Variants in TTC3 observed in about 807,000 individuals in gnomAD.
TTC3 encodes tetratricopeptide repeat domain 3.
TTC3 carries 180 observed loss-of-function variants against 249.6 expected under a neutral mutation model. The ratio of observed to expected loss-of-function variants is 0.72; its 90% confidence interval spans 0.64 to 0.82. The LOEUF is 0.82. TTC3 is among the 40% of genes least tolerant of loss of function. The pLI is 0.00. For synonymous variants in TTC3, 717 were observed against 805.0 expected, an observed-to-expected ratio of 0.89 and a Z score of 1.85; for missense variants, 2,061 against 2,398.4, an observed-to-expected ratio of 0.86 and a Z score of 2.94.
At chr21:37,107,027 G>A (rs1056662778) in intron 10 of TTC3, among the ~76,000 whole-genome samples, 17 of 149,684 alleles carry the variant, frequency 1.1e-4, no homozygotes, top group African/African-American at 3.9e-4. Flanking sequence ...TCCATTTCTA[G>A]TTTCTCTGTT....
intron 2 of TTC3, 93 bp from the exon 3 acceptor site, chr21:37,087,740 A>C (rs1449232727): frequency 1.0e-6 from 1 of 998,808 alleles, no homozygotes; most frequent in East Asian, 2.5e-5. Flanking sequence ...ATAAATGCCC[A>C]CTGAAAGTTC....
chr21:37,115,824 G>C (rs1378957426), intron 11 of TTC3, among the ~76,000 whole-genome samples: 1 of 152,158 alleles, frequency 6.6e-6, no homozygotes, highest in Non-Finnish European at 1.5e-5. Flanking sequence ...TGCCTAGAAT[G>C]CTTTTCCCCA....
chr21:37,160,602 T>TA (rs5843798), intron 29 of TTC3, among the ~76,000 whole-genome samples, 200 bp from the exon 30 acceptor site: 152,363 of 152,364 alleles, frequency 1, 76,181 homozygotes, highest in Non-Finnish European at 1. Flanking sequence ...AATTTTAGTA[T>TA]ACATTAGTAT....
At chr21:37,182,288 G>T (rs898231848) in intron 35 of TTC3, among the ~76,000 whole-genome samples, 4 of 152,154 alleles carry the variant, frequency 2.6e-5, no homozygotes, top group African/African-American at 9.7e-5. Context: ...ACCCTCCAGG[G>T]GAACGGTAAC....
At position 37,140,570 on chromosome 21, in the gene TTC3, G is replaced by C. The variant is rs2078351200; in HGVS notation, c.1669G>C (p.Glu557Gln). The change falls in exon 20 of 46, where the codon GAA (glutamate) becomes CAA (glutamine). Residue 557 changes from glutamate to glutamine, a missense_variant. Coordinates refer to ENST00000355666, the Ensembl canonical transcript of TTC3. ...TTCACTGCTATTCAAGGAATTATCT[G>C]AAGCCGAAAACCAGTTTAAGAGGAT... 2.5e-6 allele frequency: 4 copies of C among 1,581,842 alleles called. No individual in the cohort carries two copies. The South Asian group carries it at 4.7e-5, about 19-fold the overall frequency.
At chr21:37,197,768 AG>A (rs1470211929) in intron 43 of TTC3, 72 bp downstream of exon 43, 9 of 1,532,414 alleles carry the variant, frequency 5.9e-6, no homozygotes, top group African/African-American at 1.4e-5. Context: ...AAAAAAAAAA[AG>A]CTTCAAACCA....
At chr21:37,104,547 G>A (rs981885762) in intron 10 of TTC3, among the ~76,000 whole-genome samples, 3 of 140,940 alleles carry the variant, frequency 2.1e-5, no homozygotes, top group Middle Eastern at 3.5e-3. Flanking sequence ...CCAAAGTAGC[G>A]CCATTGCGCT....
At chr21:37,158,684 C>T (rs2080361881) in intron 28 of TTC3, among the ~76,000 whole-genome samples, 1 of 152,150 alleles carries the variant, frequency 6.6e-6, no homozygotes. Flanking sequence ...ACCCACCTAT[C>T]ACATCTTCAG....
chr21:37,073,387 G>C (rs1001522120), intron 1 of TTC3: 1 of 986,084 alleles, frequency 1.0e-6, no homozygotes, highest in East Asian at 1.1e-4. Flanking sequence ...CCGGCGCGCT[G>C]CCGGGCTCCC....
intron 21 of TTC3, among the ~76,000 whole-genome samples, chr21:37,145,580 G>T (rs2078913480): frequency 6.6e-6 from 1 of 152,218 alleles, no homozygotes; most frequent in Admixed American, 6.5e-5. Context: ...TCCTCAAACA[G>T]TTAAACATAG....
At chr21:37,171,258 G>A (rs536199273) in intron 34 of TTC3, among the ~76,000 whole-genome samples, 1 of 152,296 alleles carries the variant, frequency 6.6e-6, no homozygotes, top group Non-Finnish European at 1.5e-5. Flanking sequence ...TTTTATCAGT[G>A]ATGGGAATGT....
At chr21:37,076,505 C>G (rs578122134) in intron 1 of TTC3, among the ~76,000 whole-genome samples, 1 of 152,222 alleles carries the variant, frequency 6.6e-6, no homozygotes, top group Admixed American at 6.5e-5. Flanking sequence ...GAATCAGTTT[C>G]TAGATCATTA....
rs543609725 is a variant in TTC3, at chr21:37,168,024, C to G, written c.4467+404C>G. Reference sequence around the variant, plus strand: ...AATAATACAGAAAGATAAAGACCTTCTCTACTATAATAATGATTCAATTAG... The same window carrying G: ...AATAATACAGAAAGATAAAGACCTTGTCTACTATAATAATGATTCAATTAG... On this transcript the variant is annotated intron_variant, in intron 34 of 45. Coordinates refer to ENST00000355666, the Ensembl canonical transcript of TTC3. 2.0e-5 allele frequency among the ~76,000 whole-genome samples: 3 copies of G among 152,126 alleles called. No individual in the cohort carries two copies. In the South Asian group the frequency reaches 6.2e-4, roughly 32 times the overall value.
At chr21:37,101,795 T>G (rs575680122) in intron 10 of TTC3, among the ~76,000 whole-genome samples, 23 of 152,048 alleles carry the variant, frequency 1.5e-4, no homozygotes, top group African/African-American at 5.3e-4. Flanking sequence ...TTTTTACATT[T>G]AAGTCTTGGA....
Position 37,083,402 on chromosome 21 carries a change from G to C in TTC3, c.-11-3845G>C, listed in dbSNP as rs923310626. 3.0e-6 allele frequency: 3 copies of C among 985,344 alleles called. No homozygotes were observed. The African/African-American group carries it at 5.2e-5, about 17-fold the overall frequency. The allele number at this position is 985,344 out of a possible 1,614,324, so 61.0% of individuals were successfully genotyped here. A position where few individuals can be genotyped will look rare whatever the true frequency, so the allele number is the denominator to read the frequency against. On this transcript the variant is annotated intron_variant, in intron 1 of 45. Coordinates refer to ENST00000355666, the Ensembl canonical transcript of TTC3. ...GTAAAGTGATATGATCAGAGTTTTAGAGGATGCCAAGATTGAAGGCAAGTC... is the reference window on the plus strand; with the variant it reads ...GTAAAGTGATATGATCAGAGTTTTACAGGATGCCAAGATTGAAGGCAAGTC...
At chr21:37,176,594 T>C (rs2082303721) in intron 35 of TTC3, among the ~76,000 whole-genome samples, 1 of 152,246 alleles carries the variant, frequency 6.6e-6, no homozygotes, top group South Asian at 2.1e-4. Context: ...TCTTCAGTCA[T>C]GGGTCCTTGT....
chr21:37,157,231 A>G (rs775739227), intron 28 of TTC3: 37 of 1,298,230 alleles, frequency 2.9e-5, no homozygotes, highest in Non-Finnish European at 3.4e-5. Context: ...GGTTTGATTT[A>G]TAGCATTTTA....
intron 33 of TTC3, 95 bp from the exon 34 acceptor site, chr21:37,167,460 A>G: frequency 1.1e-6 from 1 of 876,378 alleles, no homozygotes; most frequent in Non-Finnish European, 1.8e-6. Flanking sequence ...AACTTGAAAA[A>G]ATTGTGGGTG....
At chr21:37,140,478 TAAAA>T (rs564780706) in intron 19 of TTC3, 79 bp from the exon 20 acceptor site, 27 of 951,696 alleles carry the variant, frequency 2.8e-5, no homozygotes, top group Non-Finnish European at 3.6e-5. Context: ...TTTAATATTA[TAAAA>T]AAAATCAACC....
Sources: gnomAD v4.1 joint callset for allele counts (sites outside exome capture counted in the v4.1 genomes callset) on GRCh38, gnomAD v4.1.1 for gene constraint, MANE v1.5 for transcripts, NCBI Gene and HGNC (gene_info 2026-07-23, HGNC 2026-07-21) for gene names.